The following CSPG4 variants were observed in gnomAD, a reference collection of about 807,000 sequenced individuals.
CSPG4 encodes the protein chondroitin sulfate proteoglycan 4, also known as chondroitin sulfate proteoglycan 4 (melanoma-associated).
In CSPG4, 74 loss-of-function variants were observed where a neutral mutation model predicts 139.3. The observed-to-expected ratio is 0.53, with a 90% CI of 0.44 to 0.64. The LOEUF is 0.64. CSPG4 is among the 30% of genes least tolerant of loss of function. The probability of loss-of-function intolerance (pLI) is 0.00; values close to 1 mark genes in which losing one functional copy is unlikely to be tolerated. For missense variants in CSPG4, 2,565 were observed against 3,148.3 expected (o/e 0.81, Z 4.43); for synonymous variants, 1,234 against 1,394.2 (o/e 0.89, Z 2.56).
chr15:75,688,179 A>G lies in CSPG4; in HGVS notation c.2886T>C (p.Asn962=), dbSNP rs1412557437. The G allele has an allele frequency of 1.9e-6, 3 of 1,612,866 alleles. No individual in the cohort carries two copies. Among genetic ancestry groups the G allele is most frequent in the Non-Finnish European group, 2.5e-6 (3 of 1,179,868 alleles). The change falls in exon 3 of 10, where the codon AAT becomes AAC. Residue 962 remains asparagine, a synonymous_variant. Transcript: ENST00000308508. ...DKTTMVTSFT[N]EDLLRGRLVY... ...CCAGCCGGCCACGCAACAGGTCTTC[A>G]TTGGTGAAGGATGTCACCATAGTGG... is the stretch of plus-strand genomic sequence containing the variant.
intron 2 of CSPG4, among the ~76,000 whole-genome samples, chr15:75,692,388 G>A (rs1370708574): frequency 6.6e-6 from 1 of 152,222 alleles, no homozygotes; most frequent in African/African-American, 2.4e-5. Flanking sequence ...CCAAAGTGGT[G>A]GGATTATAGG....
intron 8 of CSPG4, chr15:75,679,392 C>G (rs1893940861): frequency 6.6e-6 from 1 of 152,476 alleles, no homozygotes; most frequent in African/African-American, 2.4e-5. Context: ...AGTCCCCCGC[C>G]CATTACATTT....
Position 75,687,621 on chromosome 15 carries a change from G to GT in CSPG4, c.3443_3444insA (p.Val1149ArgfsTer15). The GT allele has an allele frequency of 6.2e-7, 1 of 1,612,146 alleles. No homozygotes were observed. The highest frequency in any genetic ancestry group is 8.5e-7 in the Non-Finnish European group (1 of 1,179,536). Reference sequence around the variant, plus strand: ...CGAGGTTGGTGTCCAGGTGGAGCACGGCCGTGTCGATGGTGCCCTGGCCTC... The same window carrying GT: ...CGAGGTTGGTGTCCAGGTGGAGCACGTGCCGTGTCGATGGTGCCCTGGCCTC... On this transcript the variant is annotated frameshift_variant, in exon 3 of 10. Transcript: ENST00000308508. LOFTEE classifies it high-confidence loss of function. This position sits in a 1 kb window ranked among gnomAD's most constrained non-coding sequence, Gnocchi z 5.4.
At chr15:75,679,305 C>T (rs1422182235) in intron 8 of CSPG4, 1 of 152,642 alleles carries the variant, frequency 6.6e-6, no homozygotes, top group African/African-American at 2.4e-5. Context: ...TTGGAACCAC[C>T]CTTGCATCCT....
chr15:75,675,642 C>T lies in CSPG4; in HGVS notation c.6877G>A (p.Gly2293Arg). ...AIPLTAVPGQ[G>R]PPPGGQPDPE... is the part of the protein sequence containing the mutation. ...TCAGGCTGGCCTCCTGGAGGGGGCC[C>T]CTGGCCAGGCACAGCTGTGAGCGGG... The change falls in exon 10 of 10, where the codon GGG (glycine) becomes AGG (arginine). Residue 2293 changes from glycine to arginine, a missense_variant. By Grantham distance (125) the Gly-to-Arg change is moderately radical (BLOSUM62 -2). Coordinates refer to ENST00000308508, the MANE Select transcript of CSPG4 (RefSeq NM_001897.5). 1 of 1,522,114 alleles carries T rather than the reference C, an allele frequency of 6.6e-7. No individual in the cohort carries two copies. Among genetic ancestry groups the T allele is most frequent in the Non-Finnish European group, 8.8e-7 (1 of 1,135,488 alleles). The allele number at this position is 1,522,114 out of a possible 1,614,324, so 94.3% of individuals were successfully genotyped here. A position where few individuals can be genotyped will look rare whatever the true frequency, so the allele number is the denominator to read the frequency against.
rs1894078574 is a variant in CSPG4, at chr15:75,687,528, C to T, written c.3537G>A (p.Arg1179=). Residue 1179 remains arginine, a synonymous_variant, in exon 3 of 10, where the codon CGG becomes CGA. Transcript: ENST00000308508. This position sits in a 1 kb window ranked among gnomAD's most constrained non-coding sequence, Gnocchi z 5.4. ...TAGPRWGQLV[R]AGQPATAFSQ... ...AGAAGGCTGTGGCTGGCTGACCAGCCCGGACTAGCTGTCCCCAGCGAGGGC... is the reference window on the plus strand; with the variant it reads ...AGAAGGCTGTGGCTGGCTGACCAGCTCGGACTAGCTGTCCCCAGCGAGGGC... The T allele has an allele frequency of 1.2e-6, 2 of 1,611,892 alleles. No homozygotes were observed. The highest frequency in any genetic ancestry group is 1.7e-6 in the Non-Finnish European group (2 of 1,179,288).
chr15:75,687,223 G>A lies in CSPG4; in HGVS notation c.3789+53C>T. The A allele has an allele frequency of 6.3e-7, 1 of 1,593,360 alleles. No homozygotes were observed. Among genetic ancestry groups the A allele is most frequent in the Non-Finnish European group, 8.5e-7 (1 of 1,170,342 alleles). ...CGTGTGTTCCTGGCATGGAGGCTGG[G>A]AGAAGGCCCTCTACCTGGCCCACAC... On this transcript the variant is annotated intron_variant, in intron 3 of 9. Coordinates refer to ENST00000308508, the MANE Select transcript of CSPG4 (RefSeq NM_001897.5). This position sits in a 1 kb window ranked among gnomAD's most constrained non-coding sequence, Gnocchi z 5.4.
At chr15:75,709,329 G>C (rs935949357) in intron 1 of CSPG4, among the ~76,000 whole-genome samples, 56 of 152,188 alleles carry the variant, frequency 3.7e-4, no homozygotes, top group African/African-American at 1.3e-3. Flanking sequence ...TTGGAGGCAA[G>C]AGGAGAGCTG....
In CSPG4 at chr15:75,676,791, C is replaced by A. The variant is rs763677627; in HGVS notation, c.5728G>T (p.Gly1910Trp). ...DSGRLAFVAN[G>W]SSVAGIFQLS... Reference sequence around the variant, plus strand: ...TGGAAGATGCCTGCCACGCTGCTCCCGTTGGCCACGAAGGCCAGCCGCCCT... The same window carrying A: ...TGGAAGATGCCTGCCACGCTGCTCCAGTTGGCCACGAAGGCCAGCCGCCCT... Residue 1910 changes from glycine to tryptophan, a missense_variant, in exon 10 of 10, where the codon GGG becomes TGG. Gly to Trp is a radical substitution (Grantham distance 184). Transcript: ENST00000308508. 1 of 1,543,646 alleles carries A rather than the reference C, an allele frequency of 6.5e-7. No individual in the cohort carries two copies.
intron 9 of CSPG4, 107 bp from the exon 10 acceptor site, chr15:75,677,491 A>C: frequency 7.8e-7 from 1 of 1,284,588 alleles, no homozygotes; most frequent in Non-Finnish European, 1.0e-6. Context: ...CCAACCATCA[A>C]GCCAGGTCCT....
chr15:75,705,231 C>A (rs1471464425), intron 1 of CSPG4, among the ~76,000 whole-genome samples: 1 of 152,218 alleles, frequency 6.6e-6, no homozygotes, highest in African/African-American at 2.4e-5. Flanking sequence ...CCACCCCCTC[C>A]CACCTTCTGA....
intron 1 of CSPG4, among the ~76,000 whole-genome samples, chr15:75,700,385 GA>G (rs1268426143): frequency 6.6e-6 from 1 of 151,858 alleles, no homozygotes; most frequent in South Asian, 2.1e-4. Context: ...GGGCAGCGAG[GA>G]GGGGGGGACA....
At chr15:75,680,330 A>T (rs1050216041) in intron 8 of CSPG4, 2 of 152,272 alleles carry the variant, frequency 1.3e-5, no homozygotes, top group Non-Finnish European at 2.9e-5. Context: ...ACCTGTTCTA[A>T]AGGAAGTGGC....
intron 1 of CSPG4, among the ~76,000 whole-genome samples, chr15:75,708,406 C>G (rs958457867): frequency 5.3e-5 from 7 of 132,952 alleles, no homozygotes; most frequent in South Asian, 2.7e-4. Flanking sequence ...CATTGGCAAC[C>G]CTAGCTTTGG....
chr15:75,710,020 G>A (rs1330038200), intron 1 of CSPG4, among the ~76,000 whole-genome samples: 2 of 151,724 alleles, frequency 1.3e-5, no homozygotes, highest in Admixed American at 6.6e-5. Flanking sequence ...GAGCACCATC[G>A]GTCCCCCCAA....
In CSPG4 at chr15:75,690,067, C is replaced by T. The variant is rs771392241; in HGVS notation, c.998G>A (p.Arg333His). Residue 333 changes from arginine (R) to histidine (H), a missense_variant, in exon 3 of 10, where the codon CGT becomes CAT. Arg to His is a conservative substitution (Grantham distance 29). Coordinates refer to ENST00000308508, the MANE Select transcript of CSPG4 (RefSeq NM_001897.5). ...LLGGLDAEAS[R>H]HLQEHRLGLT... ...GCCCAGGCGGTGTTCCTGGAGGTGA[C>T]GAGAGGCCTCTGCATCCAGCCCCCC... 14 of 1,611,650 alleles carry T rather than the reference C, an allele frequency of 8.7e-6. No homozygotes were observed. Among genetic ancestry groups the T allele is most frequent in the African/African-American group, 2.7e-5 (2 of 74,874 alleles).
At chr15:75,704,819 G>A (rs1188437766) in intron 1 of CSPG4, among the ~76,000 whole-genome samples, 1 of 152,176 alleles carries the variant, frequency 6.6e-6, no homozygotes, top group African/African-American at 2.4e-5. Context: ...CCGGATTTCT[G>A]CTCCTCGTGA....
Position 75,712,706 on chromosome 15 carries a change from G to C in CSPG4, c.50C>G (p.Ala17Gly). 1 of 1,564,698 alleles carries C rather than the reference G, an allele frequency of 6.4e-7. No individual in the cohort carries two copies. Among genetic ancestry groups the C allele is most frequent in the Non-Finnish European group, 8.7e-7 (1 of 1,155,346 alleles). The change falls in exon 1 of 10, where the codon GCT becomes GGT. Residue 17 changes from alanine (A) to glycine (G), a missense_variant. Physicochemically the swap from Ala to Gly is moderately conservative, Grantham distance 60. This residue lies in a region of CSPG4 where 47 missense variants were observed against 48.7 expected (regional missense o/e 0.97). Coordinates refer to ENST00000308508, the MANE Select transcript of CSPG4 (RefSeq NM_001897.5). The part of the protein sequence containing the change: ...PPLPAPGLAL[A>G]LTLTMLARLA... ...TCTGGCCAACATAGTCAGGGTCAAAGCCAAGGCCAGGCCGGGGGCTGGAAG... is the reference window on the plus strand; with the variant it reads ...TCTGGCCAACATAGTCAGGGTCAAACCCAAGGCCAGGCCGGGGGCTGGAAG...
chr15:75,679,151 T>G, intron 8 of CSPG4: 1 of 185,014 alleles, frequency 5.4e-6, no homozygotes, highest in Non-Finnish European at 1.1e-5. Flanking sequence ...AACCCCAGAC[T>G]CATGTTTCCA....
Sources: gnomAD v4.1 joint callset for allele counts (sites outside exome capture counted in the v4.1 genomes callset) on GRCh38, gnomAD v4.1.1 for gene constraint, gnomAD v4.1.1 regional missense constraint, Gnocchi (gnomAD v3.1) non-coding constraint, MANE v1.5 for transcripts, NCBI Gene and HGNC (gene_info 2026-07-23, HGNC 2026-07-21) for gene names.